CHST9: variants seen among roughly 807,000 people sequenced by gnomAD.
The protein encoded by CHST9 is GalNAc-4-sulfotransferase 2.
CHST9 carries 41 observed loss-of-function variants against 44.4 expected under a neutral mutation model. The observed-to-expected ratio is 0.92, with a 90% CI of 0.72 to 1.20. CHST9 has a LOEUF of 1.20. CHST9 is among the 50% of genes most tolerant of loss of function. The probability of loss-of-function intolerance (pLI) is 0.00; values close to 1 mark genes in which losing one functional copy is unlikely to be tolerated. For synonymous variants in CHST9, 171 were observed against 178.4 expected (o/e 0.96, Z 0.33); for missense variants, 504 against 516.5 (o/e 0.98, Z 0.23).
At chr18:27,022,073 G>T (rs1196170663) in intron 4 of CHST9, among the ~76,000 whole-genome samples, 1 of 152,156 alleles carries the variant, frequency 6.6e-6, no homozygotes. Flanking sequence ...GCCTCCACAT[G>T]TGTTATGAAG....
chr18:27,046,234 A>T (rs2057498481), intron 3 of CHST9, among the ~76,000 whole-genome samples: 1 of 152,088 alleles, frequency 6.6e-6, no homozygotes, highest in South Asian at 2.1e-4. Flanking sequence ...TACCCTGAAT[A>T]AAAAGTTACT....
chr18:27,120,753 A>G (rs1245083267), intron 2 of CHST9, among the ~76,000 whole-genome samples: 1 of 152,210 alleles, frequency 6.6e-6, no homozygotes, highest in Non-Finnish European at 1.5e-5. Flanking sequence ...TTGTCAGTAT[A>G]AAAAGATGTA....
chr18:27,048,576 G>C, intron 2 of CHST9, 73 bp from the exon 3 acceptor site: 1 of 1,283,874 alleles, frequency 7.8e-7, no homozygotes. Context: ...TGAAAGCCCA[G>C]TTTACAGCAA....
Position 26,917,303 on chromosome 18 carries a change from A to T in CHST9, c.288T>A (p.Asn96Lys). Residue 96 changes from asparagine (N) to lysine (K), a missense_variant, in exon 6 of 6, where the codon AAT becomes AAA. Physicochemically the swap from Asn to Lys is moderately conservative, Grantham distance 94. Coordinates refer to ENST00000618847, the MANE Select transcript of CHST9 (RefSeq NM_031422.6). ...MPEDVREKKE[N>K]LLLNSERSTR... Reference sequence around the variant, plus strand: ...TAGATCTCTCAGAATTGAGTAGAAGATTTTCCTTTTTTTCTCGTACATCCT... The same window carrying T: ...TAGATCTCTCAGAATTGAGTAGAAGTTTTTCCTTTTTTTCTCGTACATCCT... 6.2e-7 allele frequency: 1 copy of T among 1,612,432 alleles called. No homozygotes were observed. The highest frequency in any genetic ancestry group is 8.5e-7 in the Non-Finnish European group (1 of 1,179,484).
chr18:26,910,528 G>A lies in CHST9; in HGVS notation c.*5731C>T, dbSNP rs991679448. ...TAGAGATCTCCAACCTCATCTAAAG[G>A]GACTGACCTTGCCTCTGTCCAACTA... On this transcript the variant is annotated 3_prime_UTR_variant, in exon 6 of 6. Coordinates refer to ENST00000618847, the MANE Select transcript of CHST9 (RefSeq NM_031422.6). The A allele has an allele frequency of 3.3e-5, 5 of 152,112 alleles. No homozygotes were observed. Among genetic ancestry groups the A allele is most frequent in the Admixed American group, 2.6e-4 (4 of 15,268 alleles). 9.4% of individuals were successfully genotyped at this position (152,112 alleles called of 1,614,324 possible).
chr18:27,097,669 C>T (rs907402513), intron 2 of CHST9, among the ~76,000 whole-genome samples: 1 of 152,026 alleles, frequency 6.6e-6, no homozygotes, highest in East Asian at 1.9e-4. Context: ...TGCCTATGTC[C>T]TGAATGGTAT....
In CHST9 at chr18:27,157,604, G is replaced by A. The variant is rs938011572; in HGVS notation, c.-96-14699C>T. Reference sequence around the variant, plus strand: ...AATTAAATCCGCAAAAATATCTACTGACAAGAAACGTATAGGAAGCGCTTA... The same window carrying A: ...AATTAAATCCGCAAAAATATCTACTAACAAGAAACGTATAGGAAGCGCTTA... On this transcript the variant is annotated intron_variant, in intron 1 of 5. Coordinates refer to ENST00000618847, the MANE Select transcript of CHST9 (RefSeq NM_031422.6). Among the ~76,000 whole-genome samples, 14 of 152,116 alleles carry A rather than the reference G, an allele frequency of 9.2e-5. No homozygotes were observed. The Middle Eastern group carries it at 0.014, about 148-fold the overall frequency.
rs751019554 is a variant in CHST9 at position 27,000,302 on chromosome 18, G to A, written c.202+23814C>T. Among the ~76,000 whole-genome samples, 3 of 152,262 alleles carry A rather than the reference G, an allele frequency of 2.0e-5. No individual in the cohort carries two copies. The South Asian group carries it at 6.2e-4, about 32-fold the overall frequency. On this transcript the variant is annotated intron_variant, in intron 4 of 5. Transcript: ENST00000618847. ...AACTCTAGATTTGTTGGACGTTTGA[G>A]GGCTTTAGCAACTTCAGCAAGAAAA...
intron 2 of CHST9, among the ~76,000 whole-genome samples, chr18:27,130,176 G>A (rs28689713): frequency 0.011 from 1,611 of 152,246 alleles, 23 homozygotes; most frequent in African/African-American, 0.034. Context: ...GGAAAATTAC[G>A]TAGTTTGGAC....
intron 4 of CHST9, among the ~76,000 whole-genome samples, chr18:26,945,996 G>A (rs1483577520): frequency 1.3e-5 from 2 of 152,132 alleles, no homozygotes; most frequent in Non-Finnish European, 2.9e-5. Flanking sequence ...GAAATTGAAT[G>A]GTGATGTTCA....
chr18:27,016,806 G>T (rs188873362), intron 4 of CHST9, among the ~76,000 whole-genome samples: 300 of 152,176 alleles, frequency 2.0e-3, no homozygotes, highest in African/African-American at 6.9e-3. Flanking sequence ...ATGCACATAT[G>T]ATATTAAAGA....
intron 4 of CHST9, among the ~76,000 whole-genome samples, chr18:27,012,699 G>A (rs938132332): frequency 2.6e-5 from 4 of 152,158 alleles, no homozygotes; most frequent in African/African-American, 7.2e-5. Context: ...GGTAGAACAA[G>A]TTTTCCCAAA....
chr18:26,952,267 G>A (rs1353930735), intron 4 of CHST9: 13 of 524,690 alleles, frequency 2.5e-5, no homozygotes, highest in African/African-American at 7.7e-5. Context: ...AGATCCAGTC[G>A]GCTTTTCAGG....
chr18:27,020,909 C>T (rs1296323164), intron 4 of CHST9, among the ~76,000 whole-genome samples: 1 of 152,130 alleles, frequency 6.6e-6, no homozygotes, highest in African/African-American at 2.4e-5. Flanking sequence ...GGTGAGATAA[C>T]TCACTTCCAA....
chr18:27,002,280 A>C (rs766098643), intron 4 of CHST9, among the ~76,000 whole-genome samples: 9 of 151,626 alleles, frequency 5.9e-5, no homozygotes, highest in Non-Finnish European at 1.3e-4. Flanking sequence ...TAGCCTTGCT[A>C]TTTCCTTTAT....
chr18:27,121,961 T>C (rs1195846401), intron 2 of CHST9, among the ~76,000 whole-genome samples: 1 of 152,228 alleles, frequency 6.6e-6, no homozygotes, highest in African/African-American at 2.4e-5. Flanking sequence ...CTTGTCTTTT[T>C]TATGATAAAT....
intron 3 of CHST9, among the ~76,000 whole-genome samples, chr18:27,035,061 T>G (rs2057377161): frequency 6.6e-6 from 1 of 152,232 alleles, no homozygotes. Context: ...CTATTTTTAA[T>G]TTTTTGAGGA....
At chr18:26,951,189 T>C (rs335922) in intron 4 of CHST9, among the ~76,000 whole-genome samples, 100,214 of 152,080 alleles carry the variant, frequency 0.66, 33,661 homozygotes, top group African/African-American at 0.79. Flanking sequence ...GAAACAGCCC[T>C]AACCCACTAT....
intron 4 of CHST9, among the ~76,000 whole-genome samples, chr18:26,970,311 GCTCAACT>G (rs1442989692): frequency 6.6e-6 from 1 of 152,186 alleles, no homozygotes; most frequent in Non-Finnish European, 1.5e-5. Flanking sequence ...TCTGAGATCT[GCTCAACT>G]CTCAACTCTT....
Sources: gnomAD v4.1 joint callset for allele counts (sites outside exome capture counted in the v4.1 genomes callset) on GRCh38, gnomAD v4.1.1 for gene constraint, MANE v1.5 for transcripts, NCBI Gene and HGNC (gene_info 2026-07-23, HGNC 2026-07-21) for gene names.